The following SOX13 variants were observed in gnomAD, a reference collection of about 807,000 sequenced individuals.
SOX13 encodes the protein transcription factor SOX-13.
In SOX13, 28 loss-of-function variants were observed where a neutral mutation model predicts 71.8. That is an observed-to-expected ratio of 0.39 (90% CI 0.29 to 0.53). The LOEUF (loss-of-function observed/expected upper bound fraction) is 0.53. Ranked by LOEUF, SOX13 falls within the 20% of genes least tolerant of loss-of-function variation. The pLI is 0.70. For missense variants in SOX13, 627 were observed against 810.3 expected (o/e 0.77, Z 2.75); for synonymous variants, 309 against 317.8 (o/e 0.97, Z 0.29).
intron 4 of SOX13, chr1:204,116,164 G>A (rs1051214896): frequency 1.5e-5 from 19 of 1,258,442 alleles, no homozygotes; most frequent in Non-Finnish European, 1.7e-5. Flanking sequence ...GGATCCCTCC[G>A]ATGGGATGGT....
chr1:204,113,275 A>G (rs1656624581), intron 2 of SOX13, 141 bp downstream of exon 2: 1 of 735,890 alleles, frequency 1.4e-6, no homozygotes, highest in Non-Finnish European at 2.1e-6. Flanking sequence ...CCATGTAGGG[A>G]AGCAGGGAGG....
At chr1:204,112,527 A>ACACACACACACTCACACT (rs34093119) in intron 1 of SOX13, among the ~76,000 whole-genome samples, 1 of 147,790 alleles carries the variant, frequency 6.8e-6, no homozygotes, top group Non-Finnish European at 1.5e-5. Context: ...ACACACACAC[A>ACACACACACACTCACACT]CTTTCTCTCT....
chr1:204,106,259 GGA>G (rs552961731), intron 1 of SOX13, among the ~76,000 whole-genome samples: 26 of 152,278 alleles, frequency 1.7e-4, no homozygotes, highest in Admixed American at 6.5e-4. Context: ...TTAGACCCAA[GGA>G]AGAGGCAGCA....
intron 1 of SOX13, among the ~76,000 whole-genome samples, chr1:204,085,501 G>T (rs999160583): frequency 6.6e-6 from 1 of 152,154 alleles, no homozygotes; most frequent in African/African-American, 2.4e-5. Flanking sequence ...TGGCAGGTTG[G>T]TTAAGTACTG....
At chr1:204,110,729 C>A (rs1190770973) in intron 1 of SOX13, among the ~76,000 whole-genome samples, 1 of 152,078 alleles carries the variant, frequency 6.6e-6, no homozygotes, top group Non-Finnish European at 1.5e-5. Flanking sequence ...TAATACATAA[C>A]AAACATTTTA....
intron 4 of SOX13, among the ~76,000 whole-genome samples, chr1:204,115,721 T>C (rs1571589495): frequency 7.6e-6 from 1 of 132,074 alleles, no homozygotes; most frequent in Non-Finnish European, 1.6e-5. Context: ...GGCTGGAGCG[T>C]AGTGGTGTGA....
intron 1 of SOX13, among the ~76,000 whole-genome samples, chr1:204,105,538 T>C (rs4951042): frequency 0.55 from 82,970 of 151,704 alleles, 23,303 homozygotes; most frequent in Middle Eastern, 0.73. Flanking sequence ...CCTGAGTAGC[T>C]GGGATTACAG....
At position 204,123,764 on chromosome 1, in the gene SOX13, C is replaced by T. The variant is rs751359940; in HGVS notation, c.1335C>T (p.Ala445=). The change falls in exon 12 of 14, where the codon GCC becomes GCT. Residue 445 remains alanine (A), a synonymous_variant. Transcript: ENST00000367204. This position sits in a 1 kb window ranked among gnomAD's most constrained non-coding sequence, Gnocchi z 5.0. Reference sequence around the variant, plus strand: ...ATGAGCGGAGGAAGATCCTGCAAGCCTTCCCAGACATGCACAACTCCAGCA... The same window carrying T: ...ATGAGCGGAGGAAGATCCTGCAAGCTTTCCCAGACATGCACAACTCCAGCA... The part of the protein sequence containing the change: ...AKDERRKILQ[A]FPDMHNSSIS... 6.2e-7 allele frequency: 1 copy of T among 1,614,208 alleles called. No individual in the cohort carries two copies. The highest frequency in any genetic ancestry group is 8.5e-7 in the Non-Finnish European group (1 of 1,180,034).
At chr1:204,079,342 C>CTTT (rs1299017349) in intron 1 of SOX13, among the ~76,000 whole-genome samples, 2 of 100,548 alleles carry the variant, frequency 2.0e-5, no homozygotes, top group African/African-American at 8.2e-5. Flanking sequence ...CAGCATAGAA[C>CTTT]ATTTTTTTTT....
intron 1 of SOX13, among the ~76,000 whole-genome samples, chr1:204,110,917 C>T (rs957196709): frequency 6.6e-6 from 1 of 150,446 alleles, no homozygotes. Flanking sequence ...AAAAAAAAAT[C>T]AAAAAATGTA....
chr1:204,109,069 C>G (rs947772703), intron 1 of SOX13, among the ~76,000 whole-genome samples: 1 of 152,182 alleles, frequency 6.6e-6, no homozygotes, highest in African/African-American at 2.4e-5. Context: ...TGGGCTGAGC[C>G]GCCTGCTTTC....
intron 1 of SOX13, among the ~76,000 whole-genome samples, chr1:204,103,615 G>A (rs1287773343): frequency 6.6e-6 from 1 of 152,232 alleles, no homozygotes; most frequent in Non-Finnish European, 1.5e-5. Flanking sequence ...TATCCCCCAA[G>A]GGGCCTTTGA....
In SOX13 at chr1:204,124,708, C is replaced by T. The variant is rs1463190837; in HGVS notation, c.1443C>T (p.Ser481=). 2 of 1,613,220 alleles carry T rather than the reference C, an allele frequency of 1.2e-6. No individual in the cohort carries two copies. Among genetic ancestry groups the T allele is most frequent in the African/African-American group, 1.3e-5 (1 of 74,940 alleles). The change falls in exon 13 of 14, where the codon AGC becomes AGT. Residue 481 remains serine (S), a synonymous_variant. Transcript: ENST00000367204. Reference sequence around the variant, plus strand: ...ACTATGAGGAACAGGCGCGGCTGAGCCGGCAGCACCTGGAGAAGTATCCTG... The same window carrying T: ...ACTATGAGGAACAGGCGCGGCTGAGTCGGCAGCACCTGGAGAAGTATCCTG... The part of the protein sequence containing the change: ...QPYYEEQARL[S]RQHLEKYPDY...
intron 5 of SOX13, 73 bp downstream of exon 5, chr1:204,116,752 T>C (rs1332064637): frequency 3.2e-6 from 5 of 1,582,630 alleles, no homozygotes; most frequent in African/African-American, 2.7e-5. Context: ...AAGGCTGCCT[T>C]AGGGACAGGC....
At chr1:204,085,993 G>C (rs1215619802) in intron 1 of SOX13, among the ~76,000 whole-genome samples, 3 of 151,538 alleles carry the variant, frequency 2.0e-5, no homozygotes, top group Non-Finnish European at 4.4e-5. Flanking sequence ...AGAAAAGAAA[G>C]AATGTAGGAA....
At chr1:204,094,778 G>T (rs1656217672) in intron 1 of SOX13, among the ~76,000 whole-genome samples, 3 of 152,196 alleles carry the variant, frequency 2.0e-5, no homozygotes. Flanking sequence ...TGGGAACTGG[G>T]ATAATTTTTG....
intron 5 of SOX13, 44 bp from the exon 6 acceptor site, chr1:204,117,078 G>C: frequency 1.3e-6 from 2 of 1,593,838 alleles, no homozygotes; most frequent in Non-Finnish European, 1.7e-6. Context: ...GGGCACCAGG[G>C]CTAATGTCCG....
intron 1 of SOX13, among the ~76,000 whole-genome samples, chr1:204,094,231 A>G (rs779597385): frequency 2.0e-5 from 3 of 152,230 alleles, no homozygotes; most frequent in Admixed American, 6.5e-5. Flanking sequence ...CAGAGAACTT[A>G]GATGAGCCCA....
intron 1 of SOX13, among the ~76,000 whole-genome samples, chr1:204,093,726 A>G (rs890950570): frequency 7.2e-5 from 11 of 152,234 alleles, no homozygotes; most frequent in Non-Finnish European, 1.5e-4. Context: ...CGAAAGTGGA[A>G]TTCTGTCTTC....
Sources: gnomAD v4.1 joint callset for allele counts (sites outside exome capture counted in the v4.1 genomes callset) on GRCh38, gnomAD v4.1.1 for gene constraint, Gnocchi (gnomAD v3.1) non-coding constraint, MANE v1.5 for transcripts, NCBI Gene and HGNC (gene_info 2026-07-23, HGNC 2026-07-21) for gene names.